The following ANO3 variants were observed in gnomAD, a reference collection of about 807,000 sequenced individuals.
The protein encoded by ANO3 is anoctamin 3, also known as anoctamin-3.
A neutral mutation model predicts 144.8 loss-of-function variants in ANO3; 99 were observed. That is an observed-to-expected ratio of 0.68 (90% CI 0.58 to 0.81). The LOEUF is 0.81. Among genes scored for constraint, ANO3 ranks in the 30% least tolerant of loss-of-function variants. The pLI is 0.00. For synonymous variants in ANO3, 414 were observed against 392.6 expected (o/e 1.05, Z -0.64); for missense variants, 905 against 1,202.2 (o/e 0.75, Z 3.66).
At chr11:26,566,744 T>A (rs1378678366) in intron 14 of ANO3, among the ~76,000 whole-genome samples, 3 of 151,922 alleles carry the variant, frequency 2.0e-5, no homozygotes, top group African/African-American at 7.2e-5. Context: ...GTGCCACAAT[T>A]CATAAATAGG....
At chr11:26,250,117 T>C (rs1007898632) in intron 1 of ANO3, among the ~76,000 whole-genome samples, 1 of 152,242 alleles carries the variant, frequency 6.6e-6, no homozygotes, top group Non-Finnish European at 1.5e-5. Flanking sequence ...ATGAGAAATT[T>C]AAGCTAGCAT....
intron 1 of ANO3, among the ~76,000 whole-genome samples, chr11:26,388,602 G>A (rs1261393565): frequency 1.3e-5 from 2 of 152,066 alleles, no homozygotes; most frequent in Non-Finnish European, 2.9e-5. Flanking sequence ...CGTATGACTA[G>A]CAACTAATTG....
chr11:26,356,558 T>G (rs1855790812), intron 1 of ANO3, among the ~76,000 whole-genome samples: 1 of 152,230 alleles, frequency 6.6e-6, no homozygotes, highest in South Asian at 2.1e-4. Flanking sequence ...ACATTTATGT[T>G]GTATATATGA....
At chr11:26,568,262 A>C (rs774569141) in intron 14 of ANO3, among the ~76,000 whole-genome samples, 9 of 152,084 alleles carry the variant, frequency 5.9e-5, no homozygotes, top group Non-Finnish European at 1.2e-4. Flanking sequence ...AGAAGGGCTT[A>C]TTAATCCCAC....
At chr11:26,314,366 A>G (rs763172197) in intron 1 of ANO3, among the ~76,000 whole-genome samples, 8 of 152,164 alleles carry the variant, frequency 5.3e-5, no homozygotes, top group Non-Finnish European at 1.0e-4. Context: ...AACATTACTG[A>G]TCTTATAAAG....
Position 26,356,724 on chromosome 11 carries a change from A to G in ANO3, c.46+24403A>G, listed in dbSNP as rs374965411. Among the ~76,000 whole-genome samples the G allele has an allele frequency of 5.3e-5, 8 of 152,296 alleles. No individual in the cohort carries two copies. The South Asian group carries it at 1.2e-3, about 24-fold the overall frequency. On this transcript the variant is annotated intron_variant, in intron 1 of 26. Transcript: ENST00000256737. ...AGTCCAAAATGAATTTCACTTGGTT[A>G]AAGTCAAATTGTTGCTACAGCTGGT...
intron 4 of ANO3, among the ~76,000 whole-genome samples, chr11:26,496,974 GTATATATA>G (rs71047855): frequency 2.9e-5 from 4 of 136,510 alleles, no homozygotes; most frequent in Admixed American, 7.4e-5. Flanking sequence ...AATGTTGTGT[GTATATATA>G]TATATATATA....
intron 1 of ANO3, among the ~76,000 whole-genome samples, chr11:26,211,026 C>T (rs1851921771): frequency 6.6e-6 from 1 of 152,106 alleles, no homozygotes; most frequent in South Asian, 2.1e-4. Context: ...ATCGACACAA[C>T]TCTCCACCCC....
chr11:26,345,014 G>A (rs2133904792), intron 1 of ANO3, among the ~76,000 whole-genome samples: 1 of 152,098 alleles, frequency 6.6e-6, no homozygotes, highest in Non-Finnish European at 1.5e-5. Context: ...CATAGACAAG[G>A]ATATTCTGTT....
At chr11:26,234,944 A>G (rs1777252167) in intron 1 of ANO3, among the ~76,000 whole-genome samples, 1 of 150,864 alleles carries the variant, frequency 6.6e-6, no homozygotes, top group African/African-American at 2.4e-5. Flanking sequence ...GTGCAAGGAC[A>G]AGAGAAGGCT....
At chr11:26,570,306 G>GA (rs2134285511) in intron 14 of ANO3, among the ~76,000 whole-genome samples, 1 of 151,886 alleles carries the variant, frequency 6.6e-6, no homozygotes, top group South Asian at 2.1e-4. Flanking sequence ...AAAGTGATGA[G>GA]AAAAAACAAA....
intron 1 of ANO3, among the ~76,000 whole-genome samples, chr11:26,392,009 T>G (rs1856894158): frequency 6.6e-6 from 1 of 152,118 alleles, no homozygotes; most frequent in Non-Finnish European, 1.5e-5. Context: ...TCCATTTTGT[T>G]TCCTAATGAA....
rs115374048 is a variant in ANO3 at position 26,514,427 on chromosome 11, A to G, written c.592-2400A>G. 8.8e-3 allele frequency among the ~76,000 whole-genome samples: 1,343 copies of G among 152,270 alleles called. 21 individuals carry two copies. The highest frequency in any genetic ancestry group is 0.031 in the African/African-American group (1,282 of 41,572). On this transcript the variant is annotated intron_variant, in intron 5 of 26. Coordinates refer to ENST00000256737, the MANE Select transcript of ANO3 (RefSeq NM_031418.4). ...TATGAGGTGACCAATCTTTTATAAC[A>G]TTCACACTCTGTGAGGCAGAGATAA...
rs61094091 is a variant in ANO3 at position 26,383,888 on chromosome 11, C to CTTTTTTTTTTTTTTT, written c.46+51580_46+51594dup. Among the ~76,000 whole-genome samples the CTTTTTTTTTTTTTTT allele has an allele frequency of 2.9e-5, 2 of 70,148 alleles. 1 individual carries two copies. Among genetic ancestry groups the CTTTTTTTTTTTTTTT allele is most frequent in the Non-Finnish European group, 5.0e-5 (2 of 40,360 alleles). 46.0% of individuals were successfully genotyped at this position (70,148 alleles called of 152,430 possible). A position where few individuals can be genotyped will look rare whatever the true frequency, so the allele number is the denominator to read the frequency against. The stretch of plus-strand genomic sequence containing the variant: ...CATTGTTCTTGTGCCATGCATTGTT[C>CTTTTTTTTTTTTTTT]TTTTTTTTTTTTTTTTTTTTTTTTT... On this transcript the variant is annotated intron_variant, in intron 1 of 26. Coordinates refer to ENST00000256737, the MANE Select transcript of ANO3 (RefSeq NM_031418.4).
chr11:26,301,092 T>C (rs1854222590), intron 1 of ANO3, among the ~76,000 whole-genome samples: 1 of 146,128 alleles, frequency 6.8e-6, no homozygotes, highest in Non-Finnish European at 1.5e-5. Context: ...GACCTCGAGA[T>C]CCACCTGCCT....
At chr11:26,224,155 T>A (rs1467102284) in intron 1 of ANO3, among the ~76,000 whole-genome samples, 3 of 142,670 alleles carry the variant, frequency 2.1e-5, no homozygotes, top group Non-Finnish European at 4.8e-5. Flanking sequence ...ATGAGCAAAA[T>A]CACCATTGCT....
chr11:26,396,095 A>G (rs1385755830), intron 1 of ANO3, among the ~76,000 whole-genome samples: 1 of 152,214 alleles, frequency 6.6e-6, no homozygotes, highest in Admixed American at 6.5e-5. Flanking sequence ...CAAATTTACA[A>G]GAAAAAAACA....
In ANO3 at chr11:26,256,700, C is replaced by T. The variant is rs114234659; in HGVS notation, c.155-52945C>T. ...TGTATGTGAAAGCAACTAACGCCAC[C>T]ATCCCTGTGACAACGTACACAATTA... On this transcript the variant is annotated intron_variant, in intron 1 of 27. Coordinates refer to the ANO3 transcript ENST00000672621. Among the ~76,000 whole-genome samples, 890 of 152,210 alleles carry T rather than the reference C, an allele frequency of 5.8e-3. 5 individuals carry two copies. Among genetic ancestry groups the T allele is most frequent in the African/African-American group, 0.02 (850 of 41,562 alleles).
chr11:26,298,443 G>C (rs1289883541), intron 1 of ANO3, among the ~76,000 whole-genome samples: 1 of 152,140 alleles, frequency 6.6e-6, no homozygotes, highest in Admixed American at 6.6e-5. Context: ...AATATGAGGG[G>C]TATGGAATAA....
Sources: gnomAD v4.1 joint callset for allele counts (sites outside exome capture counted in the v4.1 genomes callset) on GRCh38, gnomAD v4.1.1 for gene constraint, MANE v1.5 for transcripts, NCBI Gene and HGNC (gene_info 2026-07-23, HGNC 2026-07-21) for gene names.